The following BMPR1B variants were observed in gnomAD, a reference collection of about 807,000 sequenced individuals.
BMPR1B encodes the protein bone morphogenetic protein receptor type 1B.
In BMPR1B, 12 loss-of-function variants were observed where a neutral mutation model predicts 59.1. The ratio of observed to expected loss-of-function variants is 0.20; its 90% CI spans 0.13 to 0.33. BMPR1B has a LOEUF of 0.33. Ranked by LOEUF, BMPR1B falls within the 10% of genes least tolerant of loss-of-function variation. The pLI, the probability that BMPR1B is intolerant of heterozygous loss-of-function variation, is 1.00. For missense variants in BMPR1B, 550 were observed against 610.9 expected (o/e 0.90, Z 1.05); for synonymous variants, 237 against 207.3 (o/e 1.14, Z -1.23).
At chr4:95,077,156 A>G (rs752700284) in intron 3 of BMPR1B, among the ~76,000 whole-genome samples, 20 of 152,218 alleles carry the variant, frequency 1.3e-4, no homozygotes, top group Admixed American at 4.6e-4. Flanking sequence ...TTTTGTAGTA[A>G]TGGAACACGG....
chr4:95,061,774 A>C (rs1462329457), intron 3 of BMPR1B, among the ~76,000 whole-genome samples: 1 of 152,180 alleles, frequency 6.6e-6, no homozygotes, highest in Non-Finnish European at 1.5e-5. Flanking sequence ...TTAGAAAGCC[A>C]AAACAAGGTC....
chr4:94,814,638 A>G (rs1252102866), intron 1 of BMPR1B, among the ~76,000 whole-genome samples: 1 of 152,212 alleles, frequency 6.6e-6, no homozygotes, highest in Non-Finnish European at 1.5e-5. Flanking sequence ...AAATAAGTTA[A>G]TGCATAAAGA....
At chr4:95,029,759 C>T (rs1339285517) in intron 3 of BMPR1B, among the ~76,000 whole-genome samples, 1 of 152,150 alleles carries the variant, frequency 6.6e-6, no homozygotes, top group Admixed American at 6.5e-5. Context: ...TATTTCTCCA[C>T]ATCCTCTCCA....
At chr4:95,064,656 C>T (rs1727665345) in intron 3 of BMPR1B, among the ~76,000 whole-genome samples, 1 of 152,074 alleles carries the variant, frequency 6.6e-6, no homozygotes, top group Non-Finnish European at 1.5e-5. Context: ...ATGAATCTAG[C>T]CTATGTAAAG....
intron 11 of BMPR1B, 28 bp from the exon 12 acceptor site, chr4:95,152,615 A>AATC: frequency 6.8e-6 from 10 of 1,478,636 alleles, no homozygotes; most frequent in Non-Finnish European, 8.2e-6. Context: ...TAATAATAAT[A>AATC]ATAATAATAG....
At chr4:95,046,193 A>G (rs569621832) in intron 3 of BMPR1B, among the ~76,000 whole-genome samples, 9 of 152,280 alleles carry the variant, frequency 5.9e-5, no homozygotes, top group African/African-American at 2.2e-4. Context: ...ATAGCCAAGT[A>G]CAAACCACTG....
chr4:95,130,543 C>T (rs1733252497), intron 9 of BMPR1B, among the ~76,000 whole-genome samples: 1 of 151,898 alleles, frequency 6.6e-6, no homozygotes, highest in Non-Finnish European at 1.5e-5. Context: ...ATTCAAGACC[C>T]TGTTTTGCAA....
At chr4:94,956,109 C>T (rs1730132461) in intron 2 of BMPR1B, among the ~76,000 whole-genome samples, 1 of 152,128 alleles carries the variant, frequency 6.6e-6, no homozygotes, top group African/African-American at 2.4e-5. Flanking sequence ...TGGTATCTTA[C>T]GTTTTGAAAT....
At chr4:94,850,764 C>T (rs1472585169) in intron 1 of BMPR1B, among the ~76,000 whole-genome samples, 2 of 152,158 alleles carry the variant, frequency 1.3e-5, no homozygotes, top group African/African-American at 4.8e-5. Context: ...ATGCCCTCCT[C>T]ACCAGCCCCA....
At chr4:94,899,489 CAT>C (rs985171407) in intron 2 of BMPR1B, among the ~76,000 whole-genome samples, 4 of 148,584 alleles carry the variant, frequency 2.7e-5, no homozygotes, top group African/African-American at 7.4e-5. Context: ...ATATATAAAT[CAT>C]ATATATATGA....
At chr4:94,804,356 T>TGA in intron 1 of BMPR1B, among the ~76,000 whole-genome samples, 1 of 152,162 alleles carries the variant, frequency 6.6e-6, no homozygotes, top group South Asian at 2.1e-4. Flanking sequence ...CAAATACTTG[T>TGA]TTATTAAAGA....
At chr4:94,998,778 A>G (rs545419878) in intron 3 of BMPR1B, among the ~76,000 whole-genome samples, 2 of 152,266 alleles carry the variant, frequency 1.3e-5, no homozygotes, top group East Asian at 3.9e-4. Flanking sequence ...GATAAAGACC[A>G]GGCTTTACTA....
intron 2 of BMPR1B, among the ~76,000 whole-genome samples, chr4:94,956,556 GAAAAA>G (rs912945399): frequency 2.4e-4 from 36 of 152,068 alleles, no homozygotes; most frequent in African/African-American, 7.7e-4. Context: ...TCTCCAGAAA[GAAAAA>G]AGAACAGAGT....
At chr4:95,074,442 C>G (rs1359407082) in intron 3 of BMPR1B, among the ~76,000 whole-genome samples, 1 of 152,038 alleles carries the variant, frequency 6.6e-6, no homozygotes, top group Non-Finnish European at 1.5e-5. Context: ...TTTGTTTTCT[C>G]CTTACTCGGG....
At chr4:94,783,329 C>A (rs1013266809) in intron 1 of BMPR1B, among the ~76,000 whole-genome samples, 1 of 152,156 alleles carries the variant, frequency 6.6e-6, no homozygotes, top group Non-Finnish European at 1.5e-5. Context: ...TCCTAGTTCT[C>A]TATGGTAAAC....
Position 94,841,048 on chromosome 4 carries a change from A to G in BMPR1B, c.-182-34783A>G, listed in dbSNP as rs545029923. On this transcript the variant is annotated intron_variant, in intron 1 of 12. Transcript: ENST00000515059. ...TGTGAGGTGTCAGTGTGCCCCTGCTAGGGGGTGCCTCCCAGTTAGGCTGTT... is the reference window on the plus strand; with the variant it reads ...TGTGAGGTGTCAGTGTGCCCCTGCTGGGGGGTGCCTCCCAGTTAGGCTGTT... 3.0e-3 allele frequency among the ~76,000 whole-genome samples: 415 copies of G among 137,458 alleles called. 7 individuals are homozygous for G. Among genetic ancestry groups the G allele is most frequent in the Admixed American group, 5.7e-3 (80 of 14,100 alleles). 90.2% of individuals were successfully genotyped at this position (137,458 alleles called of 152,430 possible). A position where few individuals can be genotyped will look rare whatever the true frequency, so the allele number is the denominator to read the frequency against.
At chr4:94,918,129 CT>C (rs1261339872) in intron 2 of BMPR1B, among the ~76,000 whole-genome samples, 1 of 151,994 alleles carries the variant, frequency 6.6e-6, no homozygotes, top group East Asian at 1.9e-4. Flanking sequence ...AGTTAAATCT[CT>C]TTTTTTAGTA....
At chr4:95,009,890 C>T (rs373849560) in intron 3 of BMPR1B, among the ~76,000 whole-genome samples, 64 of 152,120 alleles carry the variant, frequency 4.2e-4, no homozygotes, top group African/African-American at 1.5e-3. Context: ...TTCCTCTTTC[C>T]GTGTGGAGAA....
intron 1 of BMPR1B, among the ~76,000 whole-genome samples, chr4:94,769,343 G>T (rs1223258691): frequency 6.6e-6 from 1 of 152,350 alleles, no homozygotes; most frequent in East Asian, 1.9e-4. Flanking sequence ...GGGCGCGGTG[G>T]CTCACGCCTG....
Sources: allele counts gnomAD v4.1 joint callset (sites outside exome capture counted in the v4.1 genomes callset), GRCh38; gene constraint gnomAD v4.1.1; transcripts MANE v1.5; gene names NCBI Gene and HGNC (gene_info 2026-07-23, HGNC 2026-07-21).